The following ZNF221 variants were observed in gnomAD, a reference collection of about 807,000 sequenced individuals.
The protein encoded by ZNF221 is zinc finger protein 221.
A neutral mutation model predicts 12.6 loss-of-function variants in ZNF221; 10 were observed. The ratio of observed to expected loss-of-function variants is 0.79; its 90% CI spans 0.49 to 1.34. ZNF221 has a LOEUF of 1.34. Among genes scored for constraint, ZNF221 ranks in the 40% most tolerant of loss-of-function variants. The pLI, the probability that ZNF221 is intolerant of heterozygous loss-of-function variation, is 0.00. For missense variants in ZNF221, 661 were observed against 721.4 expected, an observed-to-expected ratio of 0.92 and a Z score of 0.96; for synonymous variants, 232 against 244.0, an observed-to-expected ratio of 0.95 and a Z score of 0.46.
intron 1 of ZNF221, among the ~76,000 whole-genome samples, chr19:43,953,646 C>T (rs1408379043): frequency 6.6e-6 from 1 of 152,266 alleles, no homozygotes; most frequent in Non-Finnish European, 1.5e-5. Context: ...AGCCATCACT[C>T]AATTCATGAG....
the ZNF221 span, among the ~76,000 whole-genome samples, chr19:43,974,059 G>T: frequency 1.8e-4 from 27 of 152,216 alleles, 1 homozygote; most frequent in East Asian, 4.1e-3. Flanking sequence ...CAGACACATA[G>T]ACAAATGGAA....
intron 1 of ZNF221, among the ~76,000 whole-genome samples, chr19:43,958,393 C>T (rs527968938): frequency 2.0e-4 from 31 of 152,244 alleles, no homozygotes; most frequent in Non-Finnish European, 4.1e-4. Flanking sequence ...GGCTTGCATG[C>T]GGTATATCAG....
intron 1 of ZNF221, among the ~76,000 whole-genome samples, chr19:43,957,699 T>A (rs1320481219): frequency 6.6e-6 from 1 of 152,234 alleles, no homozygotes; most frequent in African/African-American, 2.4e-5. Flanking sequence ...TTCCTCTTGC[T>A]AATTAACCTA....
At chr19:43,969,507 C>T (rs1220828090), downstream of ZNF221, among the ~76,000 whole-genome samples, 1 of 152,070 alleles carries the variant, frequency 6.6e-6, no homozygotes, top group Non-Finnish European at 1.5e-5. Context: ...TACCACCACA[C>T]CTGGCTAATT....
intron 4 of ZNF221, 109 bp from the exon 5 acceptor site, chr19:43,965,695 A>T: frequency 9.6e-7 from 1 of 1,039,800 alleles, no homozygotes; most frequent in Non-Finnish European, 1.4e-6. Context: ...ACATGAACTT[A>T]ATGTTTCCTG....
At chr19:43,981,417 C>T in the ZNF221 span, among the ~76,000 whole-genome samples, 2 of 152,092 alleles carry the variant, frequency 1.3e-5, no homozygotes, top group Non-Finnish European at 2.9e-5. Context: ...CTTTTCAATC[C>T]TGCTTTCTGG....
chr19:43,973,601 CCAA>C, the ZNF221 span, among the ~76,000 whole-genome samples: 1 of 152,118 alleles, frequency 6.6e-6, no homozygotes, highest in African/African-American at 2.4e-5. Flanking sequence ...TTCCTATAAA[CCAA>C]CGACAGGCAA....
chr19:43,978,315 T>C, the ZNF221 span: 2 of 152,178 alleles, frequency 1.3e-5, no homozygotes, highest in Non-Finnish European at 2.9e-5. Flanking sequence ...TGCAAACAGC[T>C]CTTTTTAAAG....
downstream of ZNF221, among the ~76,000 whole-genome samples, chr19:43,972,375 AC>A (rs1975115229): frequency 6.6e-6 from 1 of 152,130 alleles, no homozygotes; most frequent in African/African-American, 2.4e-5. Flanking sequence ...AGAACCAAAA[AC>A]AAACCCCAAA....
At chr19:43,972,886 T>C in the ZNF221 span, among the ~76,000 whole-genome samples, 1 of 151,130 alleles carries the variant, frequency 6.6e-6, no homozygotes, top group Non-Finnish European at 1.5e-5. Flanking sequence ...AAGGGATTCC[T>C]CCTTAACTCT....
downstream of ZNF221, among the ~76,000 whole-genome samples, chr19:43,971,861 A>G (rs1199077161): frequency 6.6e-6 from 1 of 152,184 alleles, no homozygotes; most frequent in Non-Finnish European, 1.5e-5. Flanking sequence ...GAGATAAAAA[A>G]TTAACAAAGA....
intron 2 of ZNF221, 112 bp downstream of exon 2, chr19:43,962,919 T>C: frequency 1.1e-5 from 11 of 1,005,480 alleles, no homozygotes; most frequent in Non-Finnish European, 1.6e-5. Context: ...TTGAGGGCAT[T>C]TTGTTTGCCA....
At chr19:43,981,444 G>A in the ZNF221 span, among the ~76,000 whole-genome samples, 17 of 152,204 alleles carry the variant, frequency 1.1e-4, no homozygotes, top group African/African-American at 4.1e-4. Flanking sequence ...CTCTTCTGAT[G>A]TATCTTCAAC....
chr19:43,964,200 T>C (rs1974897699), intron 2 of ZNF221, among the ~76,000 whole-genome samples: 1 of 152,208 alleles, frequency 6.6e-6, no homozygotes, highest in South Asian at 2.1e-4. Flanking sequence ...TAATATTTAT[T>C]AAATACTTAG....
At chr19:43,979,422 C>CATATATATATATAT in the ZNF221 span, among the ~76,000 whole-genome samples, 2 of 138,606 alleles carry the variant, frequency 1.4e-5, no homozygotes, top group African/African-American at 5.4e-5. Flanking sequence ...AACAGTAATA[C>CATATATATATATAT]ATATATATAT....
chr19:43,965,026 A>C lies in ZNF221; in HGVS notation c.158A>C (p.Lys53Thr). ...GGGCTGCTGGACCCTGCCCAGAGGA[A>C]GCTGTACCGAGATGTGATGCTAGAG... is the stretch of plus-strand genomic sequence containing the variant. ...ELGLLDPAQR[K>T]LYRDVMLENF... is the part of the protein sequence containing the mutation. The change falls in exon 3 of 5, where the codon AAG becomes ACG. Residue 53 changes from lysine to threonine, a missense_variant. Physicochemically the swap from Lys to Thr is moderately conservative, Grantham distance 78. Transcript: ENST00000587682. The C allele has an allele frequency of 6.2e-7, 1 of 1,614,162 alleles. No individual in the cohort carries two copies. Among genetic ancestry groups the C allele is most frequent in the Non-Finnish European group, 8.5e-7 (1 of 1,180,012 alleles).
At chr19:43,959,048 T>G (rs1974803346) in intron 1 of ZNF221, among the ~76,000 whole-genome samples, 1 of 152,138 alleles carries the variant, frequency 6.6e-6, no homozygotes, top group East Asian at 1.9e-4. Flanking sequence ...CTGTAATTGT[T>G]GCATCATGTA....
chr19:43,981,111 C>A, the ZNF221 span, among the ~76,000 whole-genome samples: 1 of 151,364 alleles, frequency 6.6e-6, no homozygotes, highest in Admixed American at 6.6e-5. Context: ...ACCAAAAACT[C>A]AACATAAAAA....
Position 43,966,797 on chromosome 19 carries a change from A to C in ZNF221, c.1295A>C (p.Tyr432Ser), listed in dbSNP as rs188434418. Residue 432 changes from tyrosine to serine, a missense_variant, in exon 5 of 5, where the codon TAT becomes TCT. Physicochemically the swap from Tyr to Ser is moderately radical, Grantham distance 144. Transcript: ENST00000587682. ...TGTGAAGAATGTGGGAAGGGATTTT[A>C]TACAAATTCACGACGATCTTCCCAT... is the stretch of plus-strand genomic sequence containing the variant. ...FKCEECGKGF[Y>S]TNSRRSSHQR... is the part of the protein sequence containing the mutation. 2.5e-6 allele frequency: 4 copies of C among 1,614,078 alleles called. No individual in the cohort carries two copies. In the South Asian group the frequency reaches 4.4e-5, roughly 18 times the overall value.
Sources: gnomAD v4.1 joint callset for allele counts (sites outside exome capture counted in the v4.1 genomes callset) on GRCh38, gnomAD v4.1.1 for gene constraint, MANE v1.5 for transcripts, NCBI Gene and HGNC (gene_info 2026-07-23, HGNC 2026-07-21) for gene names.